Variants in DAG1 observed in about 807,000 individuals in gnomAD.
DAG1 encodes the protein dystroglycan 1 (dystrophin-associated glycoprotein 1).
A neutral mutation model predicts 46.1 loss-of-function variants in DAG1; 8 were observed. The ratio of observed to expected loss-of-function variants is 0.17; its 90% confidence interval spans 0.10 to 0.31. The LOEUF (loss-of-function observed/expected upper bound fraction) is 0.31, where lower values mean the gene tolerates loss of function less well. Among genes scored for constraint, DAG1 ranks in the 10% least tolerant of loss-of-function variants. DAG1 has a pLI of 1.00. For synonymous variants in DAG1, 495 were observed against 481.8 expected, an observed-to-expected ratio of 1.03 and a Z score of -0.36; for missense variants, 1,003 against 1,189.9, an observed-to-expected ratio of 0.84 and a Z score of 2.31.
At position 49,503,391 on chromosome 3, in the gene DAG1, G is replaced by A. The variant is rs575458502; in HGVS notation, c.-116-7028G>A. Among the ~76,000 whole-genome samples, 16 of 152,194 alleles carry A rather than the reference G, an allele frequency of 1.1e-4. No individual in the cohort carries two copies. The South Asian group carries it at 1.7e-3, about 16-fold the overall frequency. ...TTCTCTGTGAATTACTTGTTGGTTC[G>A]TTCTTCCTATCTTCAGCCCATTTTT... On this transcript the variant is annotated intron_variant, in intron 1 of 2. Transcript: ENST00000308775.
At chr3:49,517,650 A>G (rs1277726595) in intron 2 of DAG1, among the ~76,000 whole-genome samples, 6 of 152,178 alleles carry the variant, frequency 3.9e-5, no homozygotes, top group Admixed American at 2.6e-4. Context: ...TGGCTTTTGG[A>G]ATGAAGGCTG....
At chr3:49,499,113 G>A (rs988433847) in intron 1 of DAG1, among the ~76,000 whole-genome samples, 1 of 152,208 alleles carries the variant, frequency 6.6e-6, no homozygotes, top group African/African-American at 2.4e-5. Flanking sequence ...TCCTAGGAGT[G>A]GTGGGATGGG....
At chr3:49,495,282 T>C (rs971029273) in intron 1 of DAG1, among the ~76,000 whole-genome samples, 77 of 152,344 alleles carry the variant, frequency 5.1e-4, no homozygotes, top group Admixed American at 8.5e-4. Flanking sequence ...CTGTTTATAA[T>C]GTATTAGTAT....
In DAG1 at chr3:49,510,719, C is replaced by T. The variant is rs375938350; in HGVS notation, c.185C>T (p.Pro62Leu). 9.2e-5 allele frequency: 149 copies of T among 1,614,184 alleles called. No individual in the cohort carries two copies. Among genetic ancestry groups the T allele is most frequent in the Middle Eastern group, 8.2e-4 (5 of 6,062 alleles). The stretch of plus-strand genomic sequence containing the variant: ...CTCTCAGACCTCCACGAGGCTGTTC[C>T]CACAGTGGTTGGCATTCCTGATGGC... ...SVLSDLHEAV[P>L]TVVGIPDGTA... Residue 62 changes from proline (P) to leucine (L), a missense_variant, in exon 2 of 3, where the codon CCC becomes CTC. This residue lies in a region of DAG1 where 196 missense variants were observed against 239.1 expected (regional missense o/e 0.82). Coordinates refer to ENST00000308775, the MANE Select transcript of DAG1 (RefSeq NM_004393.6).
chr3:49,507,254 G>A (rs1437653750), intron 1 of DAG1, among the ~76,000 whole-genome samples: 2 of 152,104 alleles, frequency 1.3e-5, no homozygotes, highest in African/African-American at 2.4e-5. Flanking sequence ...ATTTCTTTTT[G>A]TGGGAGTTTT....
chr3:49,475,666 A>G (rs1028555694), intron 1 of DAG1, among the ~76,000 whole-genome samples: 14 of 149,632 alleles, frequency 9.4e-5, no homozygotes, highest in African/African-American at 2.5e-4. Context: ...CTGTTTTCCA[A>G]TTTCTTAGGT....
intron 1 of DAG1, among the ~76,000 whole-genome samples, chr3:49,492,552 TAGG>T (rs1211963037): frequency 1.3e-5 from 2 of 151,870 alleles, no homozygotes; most frequent in African/African-American, 4.8e-5. Context: ...GAGGCTGAGG[TAGG>T]AGGATCAATT....
At chr3:49,485,296 C>T (rs769687144) in intron 1 of DAG1, among the ~76,000 whole-genome samples, 149 of 152,006 alleles carry the variant, frequency 9.8e-4, no homozygotes, top group Middle Eastern at 6.8e-3. Flanking sequence ...GTTGTTCTGT[C>T]GCCCAGGCTG....
intron 2 of DAG1, among the ~76,000 whole-genome samples, chr3:49,511,811 G>A (rs1216483562): frequency 2.0e-5 from 3 of 152,192 alleles, no homozygotes; most frequent in Non-Finnish European, 4.4e-5. Context: ...ACTGCACCAA[G>A]CTCCAGGCAG....
intron 1 of DAG1, among the ~76,000 whole-genome samples, chr3:49,508,527 T>C (rs1259465526): frequency 6.6e-6 from 1 of 152,110 alleles, no homozygotes; most frequent in Non-Finnish European, 1.5e-5. Flanking sequence ...GCCTCCTAAG[T>C]AGCTGCGACT....
At chr3:49,505,597 T>G (rs1165164170) in intron 1 of DAG1, among the ~76,000 whole-genome samples, 1 of 152,220 alleles carries the variant, frequency 6.6e-6, no homozygotes, top group Non-Finnish European at 1.5e-5. Flanking sequence ...TTATGGATTC[T>G]TTGGCATTTT....
At chr3:49,499,426 AAAAT>A (rs1382591361) in intron 1 of DAG1, among the ~76,000 whole-genome samples, 1 of 152,210 alleles carries the variant, frequency 6.6e-6, no homozygotes, top group Non-Finnish European at 1.5e-5. Context: ...GAGGTACTTA[AAAAT>A]ATATATATCT....
intron 1 of DAG1, among the ~76,000 whole-genome samples, chr3:49,509,417 C>G (rs543081796): frequency 3.5e-4 from 53 of 152,292 alleles, no homozygotes; most frequent in African/African-American, 1.2e-3. Context: ...TTCTCTGTCC[C>G]CACTCCCCTA....
chr3:49,482,273 A>T (rs2049907517), intron 1 of DAG1, among the ~76,000 whole-genome samples: 1 of 152,268 alleles, frequency 6.6e-6, no homozygotes, highest in Non-Finnish European at 1.5e-5. Flanking sequence ...ATAGTCTGAA[A>T]TATAGCCTCG....
chr3:49,481,233 CA>C (rs1359492611), intron 1 of DAG1, among the ~76,000 whole-genome samples: 278 of 114,274 alleles, frequency 2.4e-3, no homozygotes, highest in Admixed American at 3.2e-3. Flanking sequence ...ACTAAAAATA[CA>C]AAAAAAAAAA....
chr3:49,533,130 G>GGAGGGC lies in DAG1; in HGVS notation c.2620_2625dup (p.Glu874_Gly875dup). ...CCCCACCGCCCTTCACAGCACCCAT[G>GGAGGGC]GAGGGCAAGGGCTCCCGTCCCAAGA... On this transcript the variant is annotated inframe_insertion, in exon 3 of 3. Transcript: ENST00000308775. The GGAGGGC allele has an allele frequency of 6.2e-7, 1 of 1,614,182 alleles. No homozygotes were observed. The highest frequency in any genetic ancestry group is 8.5e-7 in the Non-Finnish European group (1 of 1,180,040).
chr3:49,532,082 A>G lies in DAG1; in HGVS notation c.1571A>G (p.Tyr524Cys), dbSNP rs767905225. ...FEVKIPSDTF[Y>C]DHEDTTTDKL... Reference sequence around the variant, plus strand: ...GTGAAGATCCCGTCAGACACTTTCTATGACCATGAGGACACCACCACTGAC... The same window carrying G: ...GTGAAGATCCCGTCAGACACTTTCTGTGACCATGAGGACACCACCACTGAC... The change falls in exon 3 of 3, where the codon TAT becomes TGT. Residue 524 changes from tyrosine (Y) to cysteine (C), a missense_variant. Tyr to Cys is a radical substitution (Grantham distance 194). This residue lies in a region of DAG1 where 755 missense variants were observed against 854.1 expected (regional missense o/e 0.88). Coordinates refer to ENST00000308775, the MANE Select transcript of DAG1 (RefSeq NM_004393.6). This position sits in a 1 kb window ranked among gnomAD's most constrained non-coding sequence, Gnocchi z 5.4. The G allele has an allele frequency of 1.6e-5, 26 of 1,614,180 alleles. No homozygotes were observed. The highest frequency in any genetic ancestry group is 4.4e-5 in the South Asian group (4 of 91,078).
At chr3:49,486,186 TTTTATTTA>T (rs34143078) in intron 1 of DAG1, among the ~76,000 whole-genome samples, 29,504 of 145,086 alleles carry the variant, frequency 0.2, 3,272 homozygotes, top group Non-Finnish European at 0.26. Context: ...TTTCTTTTTC[TTTTATTTA>T]TTTATTTATT....
chr3:49,506,642 A>G (rs976309876), intron 1 of DAG1, among the ~76,000 whole-genome samples: 1 of 152,156 alleles, frequency 6.6e-6, no homozygotes, highest in African/African-American at 2.4e-5. Flanking sequence ...CTCTCCTTGC[A>G]TCTCTGGAAT....
Sources: gnomAD v4.1 joint callset for allele counts (sites outside exome capture counted in the v4.1 genomes callset) on GRCh38, gnomAD v4.1.1 for gene constraint, gnomAD v4.1.1 regional missense constraint, Gnocchi (gnomAD v3.1) non-coding constraint, MANE v1.5 for transcripts, NCBI Gene and HGNC (gene_info 2026-07-23, HGNC 2026-07-21) for gene names.